Variants in STARD13 observed in about 807,000 individuals in gnomAD.
The protein encoded by STARD13 is stAR-related lipid transfer protein 13.
STARD13 carries 62 observed loss-of-function variants against 106.4 expected under a neutral mutation model. That is an observed-to-expected ratio of 0.58 (90% confidence interval 0.48 to 0.72). The LOEUF (loss-of-function observed/expected upper bound fraction) is 0.72, where lower values mean the gene tolerates loss of function less well. Ranked by LOEUF, STARD13 falls within the 30% of genes least tolerant of loss-of-function variation. The probability of loss-of-function intolerance (pLI) is 0.00; values close to 1 mark genes in which losing one functional copy is unlikely to be tolerated. For missense variants in STARD13, 1,387 were observed against 1,424.0 expected, an observed-to-expected ratio of 0.97 and a Z score of 0.42; for synonymous variants, 565 against 553.0, an observed-to-expected ratio of 1.02 and a Z score of -0.31.
At chr13:33,159,451 G>A (rs932399482) in intron 3 of STARD13, among the ~76,000 whole-genome samples, 6 of 152,208 alleles carry the variant, frequency 3.9e-5, no homozygotes, top group Non-Finnish European at 4.4e-5. Flanking sequence ...ACATGTTTGA[G>A]AGTCAAAGCT....
chr13:33,225,821 A>T (rs1888598141), intron 1 of STARD13, among the ~76,000 whole-genome samples: 1 of 152,220 alleles, frequency 6.6e-6, no homozygotes, highest in Non-Finnish European at 1.5e-5. Context: ...TTACAAATTT[A>T]GAAAACTACA....
At chr13:33,431,326 C>T in the STARD13 span, among the ~76,000 whole-genome samples, 1 of 151,948 alleles carries the variant, frequency 6.6e-6, no homozygotes, top group Non-Finnish European at 1.5e-5. Flanking sequence ...TACAAAATTT[C>T]AATAATTTTT....
At chr13:33,612,820 C>T in the STARD13 span, among the ~76,000 whole-genome samples, 1 of 152,168 alleles carries the variant, frequency 6.6e-6, no homozygotes, top group Non-Finnish European at 1.5e-5. Flanking sequence ...TCTCAGAGTA[C>T]ACAAAAGACC....
Position 33,105,107 on chromosome 13 carries a change from G to A in STARD13, c.*486C>T, listed in dbSNP as rs1451854063. ...CAGCTTACAGGACAGTGGAGAGATGGGGCCCAGAGCCACTTGGAAAGAACT... is the reference window on the plus strand; with the variant it reads ...CAGCTTACAGGACAGTGGAGAGATGAGGCCCAGAGCCACTTGGAAAGAACT... On this transcript the variant is annotated 3_prime_UTR_variant, in exon 14 of 14. Coordinates refer to ENST00000336934, the MANE Select transcript of STARD13 (RefSeq NM_178006.4). The A allele has an allele frequency of 6.4e-6, 1 of 155,654 alleles. No homozygotes were observed. The highest frequency in any genetic ancestry group is 2.4e-5 in the African/African-American group (1 of 41,460). The allele number at this position is 155,654 out of a possible 1,614,324, so 9.6% of individuals were successfully genotyped here. A position where few individuals can be genotyped will look rare whatever the true frequency, so the allele number is the denominator to read the frequency against.
the STARD13 span, among the ~76,000 whole-genome samples, chr13:33,483,612 C>T: frequency 9.8e-5 from 15 of 152,310 alleles, no homozygotes; most frequent in African/African-American, 2.2e-4. Context: ...GACAATGAGA[C>T]GCCAGAACCA....
the STARD13 span, among the ~76,000 whole-genome samples, chr13:33,438,131 G>GT: frequency 1.3e-5 from 2 of 152,082 alleles, no homozygotes; most frequent in South Asian, 4.2e-4. Flanking sequence ...CTTTTACATG[G>GT]TGAAAAATAT....
chr13:33,664,902 A>T, the STARD13 span, among the ~76,000 whole-genome samples: 1 of 152,246 alleles, frequency 6.6e-6, no homozygotes, highest in Non-Finnish European at 1.5e-5. Context: ...TTGGGATTAC[A>T]GGCGTGAGCC....
the STARD13 span, among the ~76,000 whole-genome samples, chr13:33,387,154 C>T: frequency 2.0e-5 from 3 of 152,112 alleles, no homozygotes; most frequent in South Asian, 2.1e-4. Flanking sequence ...TAGAGGTATG[C>T]ATCACTATGC....
At chr13:33,491,105 A>C in the STARD13 span, among the ~76,000 whole-genome samples, 30,744 of 152,194 alleles carry the variant, frequency 0.2, 5,476 homozygotes, top group African/African-American at 0.48. Flanking sequence ...TGCCAGTGGT[A>C]GATGGGCAGG....
chr13:33,441,378 T>C, the STARD13 span, among the ~76,000 whole-genome samples: 1 of 152,210 alleles, frequency 6.6e-6, no homozygotes, highest in Non-Finnish European at 1.5e-5. Flanking sequence ...AATCCTTCAA[T>C]GATTCCTCAT....
the STARD13 span, among the ~76,000 whole-genome samples, chr13:33,615,550 G>C: frequency 6.6e-6 from 1 of 152,198 alleles, no homozygotes; most frequent in South Asian, 2.1e-4. Flanking sequence ...AGACAGAACT[G>C]GGTTGTGCCT....
chr13:33,663,397 T>G, the STARD13 span, among the ~76,000 whole-genome samples: 2 of 151,960 alleles, frequency 1.3e-5, no homozygotes, highest in African/African-American at 4.8e-5. Flanking sequence ...TGTAAGAAAA[T>G]GAAATGCTTA....
At chr13:33,117,725 T>C (rs1875598644) in intron 8 of STARD13, 1 of 909,930 alleles carries the variant, frequency 1.1e-6, no homozygotes, top group Non-Finnish European at 1.3e-6. Flanking sequence ...ATTGAATAAG[T>C]TTTAATAAAT....
chr13:33,276,341 G>A (rs879469135), intron 1 of STARD13: 1 of 152,174 alleles, frequency 6.6e-6, no homozygotes, highest in Admixed American at 6.5e-5. Context: ...AGAAATGCAT[G>A]TAGTGGGAAA....
At chr13:33,146,836 C>T (rs189328836) in intron 3 of STARD13, among the ~76,000 whole-genome samples, 31 of 152,306 alleles carry the variant, frequency 2.0e-4, no homozygotes, top group Non-Finnish European at 3.8e-4. Context: ...GACATTCAAA[C>T]CCACCCTATT....
chr13:33,560,355 G>C, the STARD13 span, among the ~76,000 whole-genome samples: 5 of 151,536 alleles, frequency 3.3e-5, no homozygotes, highest in African/African-American at 1.2e-4. Flanking sequence ...TATATGGACT[G>C]CTGGAAAGCA....
At chr13:33,586,935 C>T in the STARD13 span, among the ~76,000 whole-genome samples, 6 of 152,230 alleles carry the variant, frequency 3.9e-5, no homozygotes, top group Middle Eastern at 6.8e-3. Flanking sequence ...CCTAGTTGGC[C>T]GAGCACGGTG....
the STARD13 span, among the ~76,000 whole-genome samples, chr13:33,519,503 A>T: frequency 6.6e-6 from 1 of 151,206 alleles, no homozygotes; most frequent in African/African-American, 2.4e-5. Context: ...AATTTTTTTT[A>T]TCCACTGGCC....
chr13:33,127,293 A>T, intron 6 of STARD13, 80 bp downstream of exon 6: 1 of 1,435,936 alleles, frequency 7.0e-7, no homozygotes. Context: ...CAGATATCAC[A>T]AAGTAAACAT....
Sources: allele counts gnomAD v4.1 joint callset (sites outside exome capture counted in the v4.1 genomes callset), GRCh38; gene constraint gnomAD v4.1.1; transcripts MANE v1.5; gene names NCBI Gene and HGNC (gene_info 2026-07-23, HGNC 2026-07-21).